Variants in TENT4A observed in about 807,000 individuals in gnomAD.
TENT4A encodes DNA polymerase kappa.
In TENT4A, 7 loss-of-function variants were observed where a neutral mutation model predicts 72.8. The ratio of observed to expected loss-of-function variants is 0.10; its 90% confidence interval spans 0.05 to 0.18. The LOEUF (loss-of-function observed/expected upper bound fraction) is 0.18. TENT4A is among the 10% of genes least tolerant of loss of function. The probability of loss-of-function intolerance (pLI) is 1.00; values close to 1 mark genes in which losing one functional copy is unlikely to be tolerated. For synonymous variants in TENT4A, 456 were observed against 434.3 expected, an observed-to-expected ratio of 1.05 and a Z score of -0.62; for missense variants, 831 against 1,017.7, an observed-to-expected ratio of 0.82 and a Z score of 2.50.
chr5:6,734,428 TCA>T (rs1741365224), intron 1 of TENT4A, among the ~76,000 whole-genome samples: 1 of 152,214 alleles, frequency 6.6e-6, no homozygotes. Flanking sequence ...GCCACCAGTC[TCA>T]CACTGCCTCG....
intron 10 of TENT4A, 67 bp downstream of exon 10, chr5:6,750,570 G>A (rs988200816): frequency 2.7e-5 from 38 of 1,397,480 alleles, no homozygotes; most frequent in Admixed American, 2.0e-4. Context: ...GTCCATAGCC[G>A]CGAGCTTAAA....
intron 2 of TENT4A, among the ~76,000 whole-genome samples, chr5:6,738,269 T>TG (rs1343319451): frequency 2.0e-5 from 3 of 152,122 alleles, no homozygotes; most frequent in African/African-American, 7.2e-5. Flanking sequence ...GTGCTCTTGG[T>TG]GGGCAAGGGC....
chr5:6,733,888 G>C (rs555607463), intron 1 of TENT4A, among the ~76,000 whole-genome samples: 1 of 152,130 alleles, frequency 6.6e-6, no homozygotes, highest in East Asian at 1.9e-4. Flanking sequence ...TATTGAATGA[G>C]ATAATCCAAA....
At chr5:6,746,481 C>A in intron 7 of TENT4A, 54 bp downstream of exon 7, 1 of 1,554,012 alleles carries the variant, frequency 6.4e-7, no homozygotes, top group Non-Finnish European at 8.8e-7. Flanking sequence ...CGGGGACGTG[C>A]TGGTGACAGG....
At position 6,725,307 on chromosome 5, in the gene TENT4A, C is replaced by T. The variant is rs566184492; in HGVS notation, c.716+10608C>T. ...CTGCACTCCAGCCTGCGTGACAGAG[C>T]GAGACTCCGTCTCAAAAAAAGAAAA... On this transcript the variant is annotated intron_variant, in intron 1 of 12. Coordinates refer to ENST00000230859, the MANE Select transcript of TENT4A (RefSeq NM_006999.6). Among the ~76,000 whole-genome samples the T allele has an allele frequency of 6.8e-4, 103 of 151,958 alleles. 1 individual carries two copies. The highest frequency in any genetic ancestry group is 9.1e-4 in the Non-Finnish European group (62 of 67,986).
intron 2 of TENT4A, among the ~76,000 whole-genome samples, chr5:6,738,194 C>T (rs565231947): frequency 1.3e-5 from 2 of 152,170 alleles, no homozygotes; most frequent in South Asian, 4.1e-4. Flanking sequence ...CAGCAGCCTT[C>T]CCTACTGCTG....
At chr5:6,722,856 G>C (rs1411625977) in intron 1 of TENT4A, among the ~76,000 whole-genome samples, 1 of 152,224 alleles carries the variant, frequency 6.6e-6, no homozygotes, top group Admixed American at 6.5e-5. Flanking sequence ...GCACTGTCCA[G>C]TAGAACTTCC....
chr5:6,733,394 G>A (rs925025541), intron 1 of TENT4A, among the ~76,000 whole-genome samples: 4 of 152,242 alleles, frequency 2.6e-5, no homozygotes, highest in African/African-American at 9.6e-5. Flanking sequence ...GGGCTGCCTA[G>A]GGCTCTCACT....
chr5:6,739,615 T>A lies in TENT4A; in HGVS notation c.888-117T>A, dbSNP rs28363353. ...CTTAGGGGCCATAGGCTAGTGGGAT[T>A]GTGTCTTGGCCTTTGTGGGAGACAC... On this transcript the variant is annotated intron_variant, in intron 3 of 12. Coordinates refer to ENST00000230859, the MANE Select transcript of TENT4A (RefSeq NM_006999.6). The A allele has an allele frequency of 3.7e-5, 46 of 1,248,708 alleles. No homozygotes were observed. The Middle Eastern group carries it at 7.8e-4, about 21-fold the overall frequency. 77.4% of individuals were successfully genotyped at this position (1,248,708 alleles called of 1,614,324 possible).
At chr5:6,721,426 T>A (rs1579450577) in intron 1 of TENT4A, among the ~76,000 whole-genome samples, 1 of 152,218 alleles carries the variant, frequency 6.6e-6, no homozygotes. Flanking sequence ...TTCAAGAAAA[T>A]TCTATACTGT....
chr5:6,745,141 C>T (rs1579489205), intron 6 of TENT4A, among the ~76,000 whole-genome samples: 2 of 152,300 alleles, frequency 1.3e-5, no homozygotes, highest in African/African-American at 4.8e-5. Context: ...CACCCTGGCA[C>T]CGGCCAGGCT....
At chr5:6,727,093 C>T (rs1056125711) in intron 1 of TENT4A, among the ~76,000 whole-genome samples, 1 of 152,138 alleles carries the variant, frequency 6.6e-6, no homozygotes, top group Non-Finnish European at 1.5e-5. Context: ...TGTGCTTTCT[C>T]GATGTGTCCT....
Position 6,755,749 on chromosome 5 carries a change from C to T in TENT4A, c.*804C>T, listed in dbSNP as rs1311890267. The T allele has an allele frequency of 1.3e-5, 2 of 152,222 alleles. No homozygotes were observed. The highest frequency in any genetic ancestry group is 4.8e-5 in the African/African-American group (2 of 41,466). 9.4% of individuals were successfully genotyped at this position (152,222 alleles called of 1,614,324 possible). On this transcript the variant is annotated 3_prime_UTR_variant, in exon 13 of 13. Coordinates refer to ENST00000230859, the MANE Select transcript of TENT4A (RefSeq NM_006999.6). Reference sequence around the variant, plus strand: ...ACTGCCCGTGGCCCTGCTGTCGGGCCCCAGGCCGTTGTCCTGCTCTGACCA... The same window carrying T: ...ACTGCCCGTGGCCCTGCTGTCGGGCTCCAGGCCGTTGTCCTGCTCTGACCA...
intron 6 of TENT4A, among the ~76,000 whole-genome samples, 158 bp downstream of exon 6, chr5:6,743,998 T>G (rs1243239134): frequency 6.6e-6 from 1 of 152,234 alleles, no homozygotes; most frequent in East Asian, 1.9e-4. Flanking sequence ...TCAAACCCTC[T>G]TGATTAATGC....
rs1742333063 is a variant in TENT4A at position 6,750,366 on chromosome 5, T to C, written c.1723T>C (p.Cys575Arg). 6.2e-7 allele frequency: 1 copy of C among 1,612,810 alleles called. No homozygotes were observed. Among genetic ancestry groups the C allele is most frequent in the Non-Finnish European group, 8.5e-7 (1 of 1,179,438 alleles). The change falls in exon 10 of 13, where the codon TGC becomes CGC. Residue 575 changes from cysteine to arginine, a missense_variant. Physicochemically the swap from Cys to Arg is radical, Grantham distance 180. Coordinates refer to ENST00000230859, the MANE Select transcript of TENT4A (RefSeq NM_006999.6). ...RIKIKERIAT[C>R]NGEQTQNREP... ...CAAGATCAAAGAGCGAATAGCCACATGCAATGGGGAGCAGACGCAGAACCG... is the reference window on the plus strand; with the variant it reads ...CAAGATCAAAGAGCGAATAGCCACACGCAATGGGGAGCAGACGCAGAACCG...
chr5:6,731,655 A>G lies in TENT4A; in HGVS notation c.717-5855A>G, dbSNP rs138212112. Among the ~76,000 whole-genome samples, 474 of 151,966 alleles carry G rather than the reference A, an allele frequency of 3.1e-3. 1 individual carries two copies. Among genetic ancestry groups the G allele is most frequent in the African/African-American group, 0.011 (450 of 41,410 alleles). ...CTGGGCTGTCAGCCTATCCTCCCACATCAGCCTCCTGACTAGCTGGACTGC... is the reference window on the plus strand; with the variant it reads ...CTGGGCTGTCAGCCTATCCTCCCACGTCAGCCTCCTGACTAGCTGGACTGC... On this transcript the variant is annotated intron_variant, in intron 1 of 12. Coordinates refer to ENST00000230859, the MANE Select transcript of TENT4A (RefSeq NM_006999.6).
rs927963708 is a variant in TENT4A at position 6,755,099 on chromosome 5, C to T, written c.*154C>T. The T allele has an allele frequency of 6.2e-5, 35 of 565,502 alleles. No individual in the cohort carries two copies. The highest frequency in any genetic ancestry group is 2.4e-4 in the Admixed American group (7 of 28,602). The allele number at this position is 565,502 out of a possible 1,614,324, so 35.0% of individuals were successfully genotyped here. Reference sequence around the variant, plus strand: ...TCTGCATGTTTCTTCGTGTGGTGGTCGCGTCCATCTTCAAGAACAGCTCGT... The same window carrying T: ...TCTGCATGTTTCTTCGTGTGGTGGTTGCGTCCATCTTCAAGAACAGCTCGT... On this transcript the variant is annotated 3_prime_UTR_variant, in exon 13 of 13. Coordinates refer to ENST00000230859, the MANE Select transcript of TENT4A (RefSeq NM_006999.6).
At position 6,722,681 on chromosome 5, in the gene TENT4A, T is replaced by A. The variant is rs1489010000; in HGVS notation, c.716+7982T>A. Reference sequence around the variant, plus strand: ...GCTCAGGGCTGTATGTGCTGCTCCGTGTAACTCATTTAAAGTTGGTTAAGG... The same window carrying A: ...GCTCAGGGCTGTATGTGCTGCTCCGAGTAACTCATTTAAAGTTGGTTAAGG... On this transcript the variant is annotated intron_variant, in intron 1 of 12. Transcript: ENST00000230859. Among the ~76,000 whole-genome samples, 3 of 149,582 alleles carry A rather than the reference T, an allele frequency of 2.0e-5. No individual in the cohort carries two copies. The Admixed American group carries it at 2.0e-4, about 10-fold the overall frequency.
intron 5 of TENT4A, 120 bp from the exon 6 acceptor site, chr5:6,743,592 C>T (rs1741938244): frequency 2.7e-6 from 2 of 742,944 alleles, no homozygotes; most frequent in Non-Finnish European, 2.2e-6. Flanking sequence ...TGACTGAGAG[C>T]CTTCAGATGG....
Sources: gnomAD v4.1 joint callset for allele counts (sites outside exome capture counted in the v4.1 genomes callset) on GRCh38, gnomAD v4.1.1 for gene constraint, MANE v1.5 for transcripts, NCBI Gene and HGNC (gene_info 2026-07-23, HGNC 2026-07-21) for gene names.